PITPNC1: variants seen among roughly 807,000 people sequenced by gnomAD.
PITPNC1 encodes phosphatidylinositol transfer protein cytoplasmic 1, also known as cytoplasmic phosphatidylinositol transfer protein 1.
PITPNC1 carries 18 observed loss-of-function variants against 44.7 expected under a neutral mutation model. The ratio of observed to expected loss-of-function variants is 0.40; its 90% CI spans 0.28 to 0.60. The LOEUF (loss-of-function observed/expected upper bound fraction) is 0.60. PITPNC1 is among the 20% of genes least tolerant of loss of function. The pLI, the probability that PITPNC1 is intolerant of heterozygous loss-of-function variation, is 0.39. For missense variants in PITPNC1, 290 were observed against 418.4 expected, an observed-to-expected ratio of 0.69 and a Z score of 2.68; for synonymous variants, 141 against 149.6, an observed-to-expected ratio of 0.94 and a Z score of 0.42.
At chr17:67,691,059 C>T (rs902241367) in intron 8 of PITPNC1, among the ~76,000 whole-genome samples, 5 of 151,904 alleles carry the variant, frequency 3.3e-5, no homozygotes, top group Admixed American at 2.0e-4. Flanking sequence ...GCCAAGATCA[C>T]GCCATTGCAC....
At chr17:67,642,591 A>C (rs1035033829) in intron 6 of PITPNC1, among the ~76,000 whole-genome samples, 2 of 152,202 alleles carry the variant, frequency 1.3e-5, no homozygotes, top group Non-Finnish European at 2.9e-5. Flanking sequence ...CAGACCAATA[A>C]TTGGCATGGC....
intron 1 of PITPNC1, among the ~76,000 whole-genome samples, chr17:67,387,786 G>T (rs1038776315): frequency 6.6e-6 from 1 of 152,108 alleles, no homozygotes; most frequent in African/African-American, 2.4e-5. Context: ...TACTTATTTT[G>T]TTTAATTGTT....
chr17:67,474,136 TGGAGCGAAGTTCCTA>T (rs2039591945), intron 1 of PITPNC1, among the ~76,000 whole-genome samples: 2 of 152,002 alleles, frequency 1.3e-5, no homozygotes. Flanking sequence ...GGGCGGTGGA[TGGAGCGAAGTTCCTA>T]GGAAGGTCAG....
At chr17:67,510,136 G>T (rs952431665) in intron 1 of PITPNC1, among the ~76,000 whole-genome samples, 2 of 152,178 alleles carry the variant, frequency 1.3e-5, no homozygotes, top group Non-Finnish European at 2.9e-5. Flanking sequence ...GGTGAGTAAA[G>T]GGAAAGTGAA....
chr17:67,541,077 C>T (rs769111897), intron 2 of PITPNC1, among the ~76,000 whole-genome samples: 2 of 152,046 alleles, frequency 1.3e-5, no homozygotes, highest in African/African-American at 4.8e-5. Context: ...TCGCCAGGAG[C>T]GGTGTCAGAC....
At chr17:67,543,747 C>T (rs374612419) in intron 2 of PITPNC1, among the ~76,000 whole-genome samples, 1 of 152,164 alleles carries the variant, frequency 6.6e-6, no homozygotes, top group African/African-American at 2.4e-5. Context: ...CCCCCTCCTA[C>T]AGCATCTGAC....
At chr17:67,627,299 T>C (rs2041907914) in intron 5 of PITPNC1, among the ~76,000 whole-genome samples, 1 of 152,184 alleles carries the variant, frequency 6.6e-6, no homozygotes, top group Non-Finnish European at 1.5e-5. Flanking sequence ...CTGAAGAGGA[T>C]GTTGGGTTCC....
intron 1 of PITPNC1, among the ~76,000 whole-genome samples, chr17:67,390,942 C>T (rs1230236209): frequency 6.6e-6 from 1 of 152,182 alleles, no homozygotes; most frequent in Non-Finnish European, 1.5e-5. Context: ...TTTCCCAGCA[C>T]TTTGACAAAG....
chr17:67,438,928 T>G (rs989035385), intron 1 of PITPNC1, among the ~76,000 whole-genome samples: 13 of 152,208 alleles, frequency 8.5e-5, no homozygotes, highest in Non-Finnish European at 1.5e-4. Flanking sequence ...TCCCTTGGCC[T>G]GTCCTGTAGA....
chr17:67,494,393 T>G (rs1365732295), intron 1 of PITPNC1, among the ~76,000 whole-genome samples: 1 of 151,628 alleles, frequency 6.6e-6, no homozygotes, highest in East Asian at 1.9e-4. Context: ...AGAGACAGGG[T>G]TTCACCATCT....
chr17:67,689,994 T>G lies in PITPNC1; in HGVS notation c.683-2578T>G, dbSNP rs368234354. On this transcript the variant is annotated intron_variant, in intron 8 of 8. Transcript: ENST00000581322. ...GTAAGTTTATAGGTACAATTTTTCT[T>G]GATATATGCTGAATTTTATATCTTA... Among the ~76,000 whole-genome samples the G allele has an allele frequency of 2.0e-5, 3 of 152,226 alleles. No homozygotes were observed. The East Asian group carries it at 5.8e-4, about 29-fold the overall frequency.
intron 1 of PITPNC1, among the ~76,000 whole-genome samples, chr17:67,510,539 G>A (rs958513606): frequency 2.6e-5 from 4 of 152,120 alleles, no homozygotes; most frequent in Non-Finnish European, 5.9e-5. Flanking sequence ...TCAAGAGGGC[G>A]CCCTTGACCG....
intron 5 of PITPNC1, among the ~76,000 whole-genome samples, chr17:67,585,674 A>G (rs2934578): frequency 0.52 from 78,950 of 151,904 alleles, 21,677 homozygotes; most frequent in African/African-American, 0.7. Flanking sequence ...ATGTGGTGGC[A>G]CACACCTGTA....
At chr17:67,581,666 G>T (rs1005295328) in intron 5 of PITPNC1, among the ~76,000 whole-genome samples, 2 of 152,118 alleles carry the variant, frequency 1.3e-5, no homozygotes, top group African/African-American at 4.8e-5. Context: ...TTGCCAATTT[G>T]CCCTCCTCTG....
At chr17:67,607,982 G>T (rs542621798) in intron 5 of PITPNC1, among the ~76,000 whole-genome samples, 2 of 151,864 alleles carry the variant, frequency 1.3e-5, no homozygotes, top group East Asian at 3.9e-4. Context: ...CACCCACCTC[G>T]GCCTCCCAAA....
Position 67,695,421 on chromosome 17 carries a change from C to T in PITPNC1, c.*2533C>T, listed in dbSNP as rs1311636701. On this transcript the variant is annotated 3_prime_UTR_variant, in exon 9 of 9. Transcript: ENST00000581322. Reference sequence around the variant, plus strand: ...CAAGCCTGCAATGGATGTATATATACAGAACATTAATAATTCTTAGAAGGA... The same window carrying T: ...CAAGCCTGCAATGGATGTATATATATAGAACATTAATAATTCTTAGAAGGA... 1 of 151,312 alleles carries T rather than the reference C, an allele frequency of 6.6e-6. No individual in the cohort carries two copies. Among genetic ancestry groups the T allele is most frequent in the Non-Finnish European group, 1.5e-5 (1 of 67,922 alleles). The allele number at this position is 151,312 out of a possible 1,614,324, so 9.4% of individuals were successfully genotyped here.
intron 1 of PITPNC1, among the ~76,000 whole-genome samples, chr17:67,446,994 G>A (rs1304546572): frequency 6.7e-6 from 1 of 149,108 alleles, no homozygotes; most frequent in Non-Finnish European, 1.5e-5. Flanking sequence ...GGAGGCTGAG[G>A]CAGGAGAATC....
At chr17:67,630,052 G>A (rs535722921) in intron 5 of PITPNC1, among the ~76,000 whole-genome samples, 17 of 152,256 alleles carry the variant, frequency 1.1e-4, no homozygotes, top group African/African-American at 2.6e-4. Context: ...AGGACTAATC[G>A]TTTCAAGTAA....
intron 1 of PITPNC1, among the ~76,000 whole-genome samples, chr17:67,454,049 G>C (rs1248361872): frequency 6.6e-6 from 1 of 152,110 alleles, no homozygotes; most frequent in Non-Finnish European, 1.5e-5. Flanking sequence ...TCAGGAGTTG[G>C]AGACCACCCT....
Sources: gnomAD v4.1 joint callset for allele counts (sites outside exome capture counted in the v4.1 genomes callset) on GRCh38, gnomAD v4.1.1 for gene constraint, MANE v1.5 for transcripts, NCBI Gene and HGNC (gene_info 2026-07-23, HGNC 2026-07-21) for gene names.